Variants in GRID1 observed in about 807,000 individuals in gnomAD.
GRID1 encodes glutamate receptor ionotropic, delta-1.
Under a neutral mutation model 98.0 loss-of-function variants are expected in GRID1, and 28 were observed. The ratio of observed to expected loss-of-function variants is 0.29; its 90% CI spans 0.21 to 0.39. The LOEUF (loss-of-function observed/expected upper bound fraction) is 0.39. Ranked by LOEUF, GRID1 falls within the 10% of genes least tolerant of loss-of-function variation. The probability of loss-of-function intolerance (pLI) is 1.00; values close to 1 mark genes in which losing one functional copy is unlikely to be tolerated. For synonymous variants in GRID1, 553 were observed against 538.5 expected (o/e 1.03, Z -0.37); for missense variants, 1,111 against 1,340.5 (o/e 0.83, Z 2.67).
In GRID1 at chr10:85,667,586, G is replaced by T. The variant is rs111260841; in HGVS notation, c.1998-20189C>A. Among the ~76,000 whole-genome samples the T allele has an allele frequency of 2.8e-3, 433 of 152,266 alleles. 4 individuals are homozygous for T. The highest frequency in any genetic ancestry group is 9.6e-3 in the African/African-American group (397 of 41,548). On this transcript the variant is annotated intron_variant, in intron 12 of 15. Transcript: ENST00000327946. ...AAAGTCACATGTCCATTCAATATCG[G>T]ATCCAGCATGTGAGCACAGGCTGTC...
intron 2 of GRID1, among the ~76,000 whole-genome samples, chr10:86,271,199 C>T (rs1172625540): frequency 3.9e-5 from 6 of 152,230 alleles, no homozygotes; most frequent in Non-Finnish European, 5.9e-5. Flanking sequence ...TTCAAACCCT[C>T]ATGATTCACA....
chr10:86,173,595 T>A (rs901694165), intron 3 of GRID1, among the ~76,000 whole-genome samples: 38 of 151,890 alleles, frequency 2.5e-4, no homozygotes, highest in African/African-American at 4.8e-5. Flanking sequence ...TTTATTATAC[T>A]TTAAGTTTTA....
At chr10:86,238,788 T>C (rs1315949782) in intron 2 of GRID1, among the ~76,000 whole-genome samples, 1 of 151,704 alleles carries the variant, frequency 6.6e-6, no homozygotes, top group Admixed American at 6.6e-5. Flanking sequence ...GTGCAAAGTG[T>C]GCGAGTTGAG....
intron 8 of GRID1, among the ~76,000 whole-genome samples, chr10:85,793,467 A>C (rs1355086719): frequency 2.0e-5 from 3 of 152,170 alleles, no homozygotes; most frequent in African/African-American, 7.2e-5. Context: ...CATATTTCTT[A>C]CTCATAACTT....
chr10:85,815,309 A>G (rs1421323147), intron 8 of GRID1, among the ~76,000 whole-genome samples: 1 of 152,058 alleles, frequency 6.6e-6, no homozygotes. Flanking sequence ...AAGACACTGA[A>G]TGCTTTCTCC....
chr10:86,027,485 A>T (rs1843130841), intron 4 of GRID1, among the ~76,000 whole-genome samples: 1 of 152,228 alleles, frequency 6.6e-6, no homozygotes, highest in Admixed American at 6.5e-5. Context: ...CATTCTATTT[A>T]TCCATTGAGC....
chr10:85,762,870 T>A (rs1016753426), intron 8 of GRID1, among the ~76,000 whole-genome samples: 1 of 152,150 alleles, frequency 6.6e-6, no homozygotes, highest in African/African-American at 2.4e-5. Flanking sequence ...AGCAGAATCA[T>A]CCTAGGAGAC....
chr10:85,995,764 C>T (rs1167025679), intron 4 of GRID1, among the ~76,000 whole-genome samples: 4 of 152,182 alleles, frequency 2.6e-5, no homozygotes, highest in Admixed American at 6.5e-5. Flanking sequence ...ACTCCAAAGC[C>T]ACAGCTGATT....
intron 6 of GRID1, among the ~76,000 whole-genome samples, chr10:85,865,962 G>C (rs1438329706): frequency 1.0e-3 from 9 of 8,932 alleles, no homozygotes; most frequent in African/African-American, 3.1e-3. Flanking sequence ...TATGGAGAGA[G>C]AGAGAGAGAG....
intron 4 of GRID1, among the ~76,000 whole-genome samples, chr10:86,012,589 C>T (rs1019439182): frequency 6.6e-6 from 1 of 152,038 alleles, no homozygotes; most frequent in Admixed American, 6.6e-5. Flanking sequence ...GTGTTTGTGT[C>T]CCCCCCAAAA....
At chr10:86,153,740 G>A (rs747866279) in intron 3 of GRID1, among the ~76,000 whole-genome samples, 4 of 152,090 alleles carry the variant, frequency 2.6e-5, no homozygotes, top group African/African-American at 4.8e-5. Context: ...ACCAAAACAT[G>A]CCTGCTAAGC....
At chr10:86,323,389 T>C (rs1847997382) in intron 2 of GRID1, among the ~76,000 whole-genome samples, 1 of 152,214 alleles carries the variant, frequency 6.6e-6, no homozygotes, top group African/African-American at 2.4e-5. Flanking sequence ...GACTTAGCAG[T>C]CACTGTTCCT....
At chr10:85,985,259 G>T (rs1387018204) in intron 4 of GRID1, among the ~76,000 whole-genome samples, 1 of 152,148 alleles carries the variant, frequency 6.6e-6, no homozygotes, top group Non-Finnish European at 1.5e-5. Context: ...TCATTGACTT[G>T]CCCAACGTCA....
At chr10:85,665,282 A>C (rs953734993) in intron 12 of GRID1, among the ~76,000 whole-genome samples, 12 of 152,148 alleles carry the variant, frequency 7.9e-5, no homozygotes, top group Admixed American at 6.5e-5. Flanking sequence ...TTCAGGATGA[A>C]GGGCGTCAAC....
intron 3 of GRID1, among the ~76,000 whole-genome samples, chr10:86,149,581 TAATC>T (rs1845134497): frequency 6.6e-6 from 1 of 152,236 alleles, no homozygotes. Context: ...ACATTTTAAA[TAATC>T]AGGCTGGAAG....
At chr10:86,122,378 C>T (rs915864727) in intron 4 of GRID1, among the ~76,000 whole-genome samples, 1 of 152,234 alleles carries the variant, frequency 6.6e-6, no homozygotes, top group Admixed American at 6.5e-5. Context: ...GGATCATTCC[C>T]TGCACATTCA....
At chr10:86,115,467 C>G (rs903860043) in intron 4 of GRID1, among the ~76,000 whole-genome samples, 5 of 152,206 alleles carry the variant, frequency 3.3e-5, no homozygotes, top group Non-Finnish European at 7.3e-5. Flanking sequence ...CAGCTAACAC[C>G]CCTAGGTAAA....
chr10:85,849,589 G>A (rs1257066414), intron 8 of GRID1, among the ~76,000 whole-genome samples: 2 of 152,164 alleles, frequency 1.3e-5, no homozygotes, highest in Non-Finnish European at 2.9e-5. Context: ...CAGAAAGTGA[G>A]CTGAAGAGGA....
intron 6 of GRID1, among the ~76,000 whole-genome samples, chr10:85,858,458 G>GTA (rs1843134618): frequency 6.6e-6 from 1 of 152,154 alleles, no homozygotes; most frequent in African/African-American, 2.4e-5. Context: ...TTGAGGCCTA[G>GTA]AGGAGCATTT....
Sources: allele counts gnomAD v4.1 joint callset (sites outside exome capture counted in the v4.1 genomes callset), GRCh38; gene constraint gnomAD v4.1.1; transcripts MANE v1.5; gene names NCBI Gene and HGNC (gene_info 2026-07-23, HGNC 2026-07-21).